ZNF804A: variants seen among roughly 807,000 people sequenced by gnomAD.
ZNF804A encodes zinc finger protein 804A.
In ZNF804A, 2 loss-of-function variants were observed where a neutral mutation model predicts 16.5. The ratio of observed to expected loss-of-function variants is 0.12; its 90% CI spans 0.05 to 0.38. The LOEUF is 0.38. Ranked by LOEUF, ZNF804A falls within the 10% of genes least tolerant of loss-of-function variation. The probability of loss-of-function intolerance (pLI) is 0.99; values close to 1 mark genes in which losing one functional copy is unlikely to be tolerated. For missense variants in ZNF804A, 1,473 were observed against 1,390.7 expected, an observed-to-expected ratio of 1.06 and a Z score of -0.94; for synonymous variants, 534 against 489.6, an observed-to-expected ratio of 1.09 and a Z score of -1.20.
chr2:184,677,977 C>T (rs984238978), intron 1 of ZNF804A, among the ~76,000 whole-genome samples: 4 of 151,714 alleles, frequency 2.6e-5, no homozygotes, highest in Non-Finnish European at 5.9e-5. Context: ...TGGTTTTAAC[C>T]CAGTGGTTAA....
intron 2 of ZNF804A, among the ~76,000 whole-genome samples, chr2:184,899,597 A>G (rs1196022606): frequency 6.6e-6 from 1 of 152,072 alleles, no homozygotes. Flanking sequence ...AGAAAGTAGA[A>G]AGAAAAATAT....
intron 1 of ZNF804A, among the ~76,000 whole-genome samples, chr2:184,623,910 A>G (rs1013232856): frequency 6.6e-6 from 1 of 152,212 alleles, no homozygotes; most frequent in Non-Finnish European, 1.5e-5. Flanking sequence ...AAACTTAAAT[A>G]AATCATCTGA....
chr2:184,641,667 C>A (rs1260480776), intron 1 of ZNF804A, among the ~76,000 whole-genome samples: 1 of 152,068 alleles, frequency 6.6e-6, no homozygotes, highest in African/African-American at 2.4e-5. Flanking sequence ...TATAAAAGAG[C>A]ACATTCAATT....
intron 1 of ZNF804A, among the ~76,000 whole-genome samples, chr2:184,773,397 A>C (rs901371149): frequency 6.6e-5 from 10 of 151,908 alleles, no homozygotes; most frequent in Non-Finnish European, 1.5e-5. Flanking sequence ...CAATTGACAC[A>C]CCATTAGACC....
chr2:184,919,625 G>T (rs530304348), intron 2 of ZNF804A, among the ~76,000 whole-genome samples: 1 of 152,208 alleles, frequency 6.6e-6, no homozygotes, highest in South Asian at 2.1e-4. Context: ...AATCCTTCTT[G>T]TTACCAATTT....
chr2:184,785,252 A>C (rs866957441), intron 1 of ZNF804A, among the ~76,000 whole-genome samples: 6 of 152,012 alleles, frequency 3.9e-5, no homozygotes, highest in Admixed American at 3.3e-4. Flanking sequence ...TATGCCATAA[A>C]ATAATTTATA....
chr2:184,904,675 A>G (rs1685242308), intron 2 of ZNF804A, among the ~76,000 whole-genome samples: 1 of 152,024 alleles, frequency 6.6e-6, no homozygotes, highest in South Asian at 2.1e-4. Context: ...TTTCTAATCG[A>G]TCATTAATTA....
chr2:184,696,227 G>C (rs1234943549), intron 1 of ZNF804A, among the ~76,000 whole-genome samples: 1 of 152,064 alleles, frequency 6.6e-6, no homozygotes, highest in African/African-American at 2.4e-5. Flanking sequence ...CAACAAAGGC[G>C]AGATTGGGTT....
At chr2:184,643,504 T>C (rs1691826084) in intron 1 of ZNF804A, among the ~76,000 whole-genome samples, 1 of 151,972 alleles carries the variant, frequency 6.6e-6, no homozygotes. Context: ...TCTTACAGTA[T>C]ACCTATAACT....
At chr2:184,789,259 A>G (rs1253248194) in intron 1 of ZNF804A, among the ~76,000 whole-genome samples, 2 of 152,032 alleles carry the variant, frequency 1.3e-5, no homozygotes, top group African/African-American at 4.8e-5. Context: ...TGATTTTTGC[A>G]TCTGTGTTCA....
At chr2:184,815,758 A>G (rs1694973471) in intron 1 of ZNF804A, among the ~76,000 whole-genome samples, 1 of 152,020 alleles carries the variant, frequency 6.6e-6, no homozygotes, top group Non-Finnish European at 1.5e-5. Flanking sequence ...CTTAAAAATA[A>G]TCGCAACATG....
chr2:184,909,291 C>T (rs1457519505), intron 2 of ZNF804A, among the ~76,000 whole-genome samples: 1 of 151,964 alleles, frequency 6.6e-6, no homozygotes, highest in Non-Finnish European at 1.5e-5. Flanking sequence ...CTGCTGAGAG[C>T]ATTTACTTAT....
intron 1 of ZNF804A, among the ~76,000 whole-genome samples, chr2:184,701,137 CTA>C: frequency 6.6e-6 from 1 of 151,852 alleles, no homozygotes. Flanking sequence ...AAGAAATGGG[CTA>C]TGTTTTAGTG....
chr2:184,699,932 C>T (rs780030933), intron 1 of ZNF804A, among the ~76,000 whole-genome samples: 9 of 151,962 alleles, frequency 5.9e-5, no homozygotes, highest in Non-Finnish European at 1.0e-4. Flanking sequence ...TCAAACAATA[C>T]GCCACTAGAG....
intron 1 of ZNF804A, among the ~76,000 whole-genome samples, chr2:184,788,126 C>G (rs1558961711): frequency 6.6e-6 from 1 of 151,756 alleles, no homozygotes; most frequent in African/African-American, 2.4e-5. Context: ...TTTTGTCAAA[C>G]TTATCCAAGA....
intron 1 of ZNF804A, among the ~76,000 whole-genome samples, chr2:184,648,773 C>G (rs915149277): frequency 6.6e-6 from 1 of 152,006 alleles, no homozygotes; most frequent in Non-Finnish European, 1.5e-5. Context: ...ATTGGAGCAC[C>G]CTGATTTACA....
chr2:184,883,693 T>TA (rs535230443), intron 2 of ZNF804A, among the ~76,000 whole-genome samples: 2 of 151,708 alleles, frequency 1.3e-5, no homozygotes, highest in East Asian at 1.9e-4. Flanking sequence ...GAACCAAAAC[T>TA]AAAAAAACAC....
intron 1 of ZNF804A, among the ~76,000 whole-genome samples, chr2:184,834,486 C>T (rs1157981316): frequency 6.6e-6 from 1 of 151,984 alleles, no homozygotes; most frequent in Non-Finnish European, 1.5e-5. Context: ...CTTTTAAATC[C>T]TCTTAGTGGA....
intron 1 of ZNF804A, among the ~76,000 whole-genome samples, chr2:184,622,542 A>C (rs1185975039): frequency 6.6e-6 from 1 of 151,828 alleles, no homozygotes; most frequent in Non-Finnish European, 1.5e-5. Flanking sequence ...ACCACCTTCA[A>C]TAGACTTTCA....
Sources: allele counts gnomAD v4.1 joint callset (sites outside exome capture counted in the v4.1 genomes callset), GRCh38; gene constraint gnomAD v4.1.1; transcripts MANE v1.5; gene names NCBI Gene and HGNC (gene_info 2026-07-23, HGNC 2026-07-21).